Variants in SLC20A2 observed in about 807,000 individuals in gnomAD.
SLC20A2 encodes solute carrier family 20 member 2, also known as sodium-dependent phosphate transporter 2.
SLC20A2 carries 30 observed loss-of-function variants against 61.0 expected under a neutral mutation model. The observed-to-expected ratio is 0.49, with a 90% CI of 0.37 to 0.67. The LOEUF (loss-of-function observed/expected upper bound fraction) is 0.67, where lower values mean the gene tolerates loss of function less well. Among genes scored for constraint, SLC20A2 ranks in the 30% least tolerant of loss-of-function variants. The pLI, the probability that SLC20A2 is intolerant of heterozygous loss-of-function variation, is 0.00. For synonymous variants in SLC20A2, 351 were observed against 353.3 expected (o/e 0.99, Z 0.07); for missense variants, 626 against 866.4 (o/e 0.72, Z 3.48).
upstream of SLC20A2, among the ~76,000 whole-genome samples, chr8:42,505,083 C>T (rs1202241596): frequency 1.5e-5 from 2 of 132,532 alleles, no homozygotes; most frequent in African/African-American, 5.9e-5. Flanking sequence ...GGGTGCCACA[C>T]AAGAGGGACG....
At chr8:42,471,792 C>G (rs979787063) in intron 2 of SLC20A2, among the ~76,000 whole-genome samples, 1 of 152,296 alleles carries the variant, frequency 6.6e-6, no homozygotes, top group African/African-American at 2.4e-5. Flanking sequence ...TCAAACAACT[C>G]TAAAATAATA....
chr8:42,440,823 T>C (rs984011594), intron 6 of SLC20A2, among the ~76,000 whole-genome samples: 1 of 152,160 alleles, frequency 6.6e-6, no homozygotes, highest in Non-Finnish European at 1.5e-5. Context: ...ATTTTTGAGA[T>C]GGAATCTCAC....
rs1325595130 is a variant in SLC20A2, at chr8:42,477,444, CAT to C, written c.-264-4792_-264-4791del. On this transcript the variant is annotated intron_variant, in intron 1 of 10. Transcript: ENST00000520262. ...CCTTGTTTTTGATTAAAGACTGACACATGTTGTGAGGGACAGGGACTTTTTTT... is the reference window on the plus strand; with the variant it reads ...CCTTGTTTTTGATTAAAGACTGACACGTTGTGAGGGACAGGGACTTTTTTT... Among the ~76,000 whole-genome samples the C allele has an allele frequency of 8.1e-5, 12 of 147,984 alleles. 1 individual carries two copies. Among genetic ancestry groups the C allele is most frequent in the South Asian group, 6.4e-4 (3 of 4,664 alleles).
intron 1 of SLC20A2, among the ~76,000 whole-genome samples, chr8:42,533,365 CA>C (rs1423288675): frequency 6.6e-6 from 1 of 152,088 alleles, no homozygotes; most frequent in East Asian, 1.9e-4. Flanking sequence ...CCTGTAATCC[CA>C]GCACTTTGGG....
chr8:42,462,498 A>C (rs985989708), intron 4 of SLC20A2, among the ~76,000 whole-genome samples: 4 of 151,934 alleles, frequency 2.6e-5, no homozygotes, highest in African/African-American at 9.7e-5. Flanking sequence ...AGTAAGCACT[A>C]ATTTTTTTTT....
In SLC20A2 at chr8:42,437,002, C is replaced by G; in HGVS notation, c.1510G>C (p.Gly504Arg). The G allele has an allele frequency of 6.2e-7, 1 of 1,602,518 alleles. No individual in the cohort carries two copies. Among genetic ancestry groups the G allele is most frequent in the Non-Finnish European group, 8.5e-7 (1 of 1,173,410 alleles). Residue 504 changes from glycine to arginine, a missense_variant, in exon 8 of 11, where the codon GGC (glycine) becomes CGC (arginine). Physicochemically the swap from Gly to Arg is moderately radical, Grantham distance 125. This residue lies in a region of SLC20A2 where 138 missense variants were observed against 228.7 expected (regional missense o/e 0.60). Coordinates refer to ENST00000520262, the MANE Select transcript of SLC20A2 (RefSeq NM_001257180.2). This position sits in a 1 kb window ranked among gnomAD's most constrained non-coding sequence, Gnocchi z 6.4. ...TACFGSFAHGGNDVSNAIGPL... is the reference protein window; with the variant it reads ...TACFGSFAHGRNDVSNAIGPL... ...GAAAGCACCCACCTCACGTCATTGC[C>G]GCCGTGAGCAAAGGACCCGAAACAG...
chr8:42,488,457 A>C (rs577190109), intron 1 of SLC20A2, among the ~76,000 whole-genome samples: 1 of 151,950 alleles, frequency 6.6e-6, no homozygotes, highest in African/African-American at 2.4e-5. Flanking sequence ...CAAAGTGCTG[A>C]GATTACAGGC....
At chr8:42,481,177 T>C (rs1285293641) in intron 1 of SLC20A2, among the ~76,000 whole-genome samples, 1 of 152,224 alleles carries the variant, frequency 6.6e-6, no homozygotes, top group Non-Finnish European at 1.5e-5. Context: ...TAAGCTTTTA[T>C]TCCTGTTTTG....
chr8:42,452,732 GAGGAGGCCGC>G (rs894364970), intron 5 of SLC20A2, among the ~76,000 whole-genome samples: 8 of 151,954 alleles, frequency 5.3e-5, no homozygotes, highest in East Asian at 3.9e-4. Context: ...GGAGGAGGGG[GAGGAGGCCGC>G]AGGAGGCCGC....
chr8:42,501,235 T>C (rs546076026), upstream of SLC20A2: 1 of 152,338 alleles, frequency 6.6e-6, no homozygotes, highest in African/African-American at 2.4e-5. Context: ...ACACGCTGAT[T>C]TGCATCATGT....
intron 1 of SLC20A2, among the ~76,000 whole-genome samples, chr8:42,487,056 G>A (rs186862539): frequency 9.2e-5 from 14 of 151,694 alleles, no homozygotes; most frequent in African/African-American, 1.2e-4. Flanking sequence ...TTAGAAGCAC[G>A]GTTTCACTAT....
At position 42,455,509 on chromosome 8, in the gene SLC20A2, A is replaced by T. The variant is rs1322195585; in HGVS notation, c.613+4387T>A. Among the ~76,000 whole-genome samples the T allele has an allele frequency of 4.0e-5, 6 of 151,506 alleles. 1 individual carries two copies. The highest frequency in any genetic ancestry group is 1.5e-4 in the African/African-American group (6 of 41,184). ...CCCCATCTCTACTAAAAATACAAAA[A>T]ATTAGCCGGGTGTGGTGGTGGGCCC... On this transcript the variant is annotated intron_variant, in intron 5 of 10. Transcript: ENST00000520262.
chr8:42,434,266 T>C (rs1362697711), intron 8 of SLC20A2, among the ~76,000 whole-genome samples: 1 of 152,176 alleles, frequency 6.6e-6, no homozygotes, highest in Non-Finnish European at 1.5e-5. Flanking sequence ...TTTGTATTTT[T>C]AGTAGAGGTG....
intron 1 of SLC20A2, chr8:42,541,224 C>T (rs1240744851): frequency 1.3e-5 from 2 of 152,054 alleles, no homozygotes; most frequent in African/African-American, 4.8e-5. Context: ...CTGCCACTTC[C>T]GTCGAGTTTT....
intron 1 of SLC20A2, among the ~76,000 whole-genome samples, chr8:42,525,207 G>A (rs534925261): frequency 6.6e-6 from 1 of 152,286 alleles, no homozygotes; most frequent in African/African-American, 2.4e-5. Context: ...CAACTCTGGT[G>A]ACAGATACAC....
At chr8:42,495,710 T>G (rs1181402983) in intron 1 of SLC20A2, among the ~76,000 whole-genome samples, 1 of 152,028 alleles carries the variant, frequency 6.6e-6, no homozygotes, top group East Asian at 1.9e-4. Context: ...AACATGTAAT[T>G]AACTATGCTA....
intron 8 of SLC20A2, among the ~76,000 whole-genome samples, chr8:42,434,317 C>T (rs1350299454): frequency 6.6e-6 from 1 of 152,140 alleles, no homozygotes; most frequent in African/African-American, 2.4e-5. Context: ...GAACGCCCGA[C>T]CTCAGGTGAT....
intron 1 of SLC20A2, among the ~76,000 whole-genome samples, chr8:42,529,935 TTAGA>T (rs1232123344): frequency 6.6e-6 from 1 of 152,206 alleles, no homozygotes; most frequent in Non-Finnish European, 1.5e-5. Context: ...AAAAGAAACT[TTAGA>T]TACAGTATAT....
At chr8:42,434,599 C>T (rs566345660) in intron 8 of SLC20A2, among the ~76,000 whole-genome samples, 2 of 152,208 alleles carry the variant, frequency 1.3e-5, no homozygotes, top group East Asian at 1.9e-4. Context: ...GAGAGACACC[C>T]GCCCCTGGCT....
Sources: gnomAD v4.1 joint callset for allele counts (sites outside exome capture counted in the v4.1 genomes callset) on GRCh38, gnomAD v4.1.1 for gene constraint, gnomAD v4.1.1 regional missense constraint, Gnocchi (gnomAD v3.1) non-coding constraint, MANE v1.5 for transcripts, NCBI Gene and HGNC (gene_info 2026-07-23, HGNC 2026-07-21) for gene names.